CCDC50: variants seen among roughly 807,000 people sequenced by gnomAD.
The protein encoded by CCDC50 is coiled-coil domain containing 50.
CCDC50 carries 54 observed loss-of-function variants against 70.2 expected under a neutral mutation model. The observed-to-expected ratio is 0.77, with a 90% confidence interval of 0.62 to 0.96. The LOEUF is 0.96. Among genes scored for constraint, CCDC50 ranks in the 50% least tolerant of loss-of-function variants. CCDC50 has a pLI of 0.00. For synonymous variants in CCDC50, 216 were observed against 198.8 expected, an observed-to-expected ratio of 1.09 and a Z score of -0.73; for missense variants, 558 against 578.7, an observed-to-expected ratio of 0.96 and a Z score of 0.37.
At chr3:191,387,348 T>G (rs1032721571) in intron 10 of CCDC50, among the ~76,000 whole-genome samples, 4 of 152,138 alleles carry the variant, frequency 2.6e-5, no homozygotes, top group Admixed American at 1.3e-4. Flanking sequence ...GTAAATGATT[T>G]CATGAGAACG....
chr3:191,374,894 G>A (rs1438405709), intron 5 of CCDC50, among the ~76,000 whole-genome samples, 168 bp from the exon 6 acceptor site: 1 of 152,134 alleles, frequency 6.6e-6, no homozygotes, highest in Non-Finnish European at 1.5e-5. Flanking sequence ...TGCATGAACT[G>A]TTTCAGTAAT....
At chr3:191,349,975 CT>C (rs1488803513) in intron 1 of CCDC50, among the ~76,000 whole-genome samples, 17 of 123,152 alleles carry the variant, frequency 1.4e-4, no homozygotes, top group African/African-American at 4.8e-4. Context: ...TACCCCCCCC[CT>C]CCCTTTTTTT....
intron 1 of CCDC50, among the ~76,000 whole-genome samples, chr3:191,345,685 A>G (rs2108639603): frequency 6.6e-6 from 1 of 152,324 alleles, no homozygotes; most frequent in East Asian, 1.9e-4. Context: ...CTACTTGCCA[A>G]ACAAGTGGTT....
chr3:191,352,314 A>G (rs1193443919), intron 1 of CCDC50, among the ~76,000 whole-genome samples: 1 of 142,012 alleles, frequency 7.0e-6, no homozygotes, highest in Non-Finnish European at 1.6e-5. Context: ...GGGGAGATCA[A>G]CAACTCAATG....
rs775667446 is a variant in CCDC50, at chr3:191,395,101, A to T, written c.*3341A>T. 2 of 152,164 alleles carry T rather than the reference A, an allele frequency of 1.3e-5. No homozygotes were observed. Among genetic ancestry groups the T allele is most frequent in the Non-Finnish European group, 2.9e-5 (2 of 68,002 alleles). The allele number at this position is 152,164 out of a possible 1,614,324, so 9.4% of individuals were successfully genotyped here. On this transcript the variant is annotated 3_prime_UTR_variant, in exon 12 of 12. Transcript: ENST00000392455. ...TTTTAGAATGGCAATGACCACTTGG[A>T]TCTAGGTCAACATATTCCAAAATGT...
intron 1 of CCDC50, among the ~76,000 whole-genome samples, chr3:191,340,675 A>G (rs1028493375): frequency 2.0e-5 from 3 of 152,214 alleles, no homozygotes; most frequent in African/African-American, 7.2e-5. Context: ...GGAGCTTATT[A>G]AACATTTTAG....
chr3:191,394,558 T>C lies in CCDC50; in HGVS notation c.*2798T>C, dbSNP rs1713800332. On this transcript the variant is annotated 3_prime_UTR_variant, in exon 12 of 12. Coordinates refer to ENST00000392455, the MANE Select transcript of CCDC50 (RefSeq NM_178335.3). The stretch of plus-strand genomic sequence containing the variant: ...AGTGTATTATGCTTTAATGTTGTGA[T>C]GTAAACTAATACTTCTGGCCTGGGA... 6.6e-6 allele frequency: 1 copy of C among 152,190 alleles called. No homozygotes were observed. The highest frequency in any genetic ancestry group is 1.5e-5 in the Non-Finnish European group (1 of 68,004). The allele number at this position is 152,190 out of a possible 1,614,324, so 9.4% of individuals were successfully genotyped here. A position where few individuals can be genotyped will look rare whatever the true frequency, so the allele number is the denominator to read the frequency against.
At chr3:191,364,307 T>G in intron 4 of CCDC50, among the ~76,000 whole-genome samples, 1 of 151,842 alleles carries the variant, frequency 6.6e-6, no homozygotes, top group Non-Finnish European at 1.5e-5. Context: ...GACCTTGTGA[T>G]CCGCCCACCT....
chr3:191,364,382 TC>T (rs1406506070), intron 4 of CCDC50, among the ~76,000 whole-genome samples: 11 of 149,354 alleles, frequency 7.4e-5, no homozygotes, highest in Admixed American at 2.7e-4. Flanking sequence ...TTTTTTTTTT[TC>T]CCCTTCCCTC....
chr3:191,379,602 G>T (rs293809), intron 6 of CCDC50, among the ~76,000 whole-genome samples: 1 of 151,616 alleles, frequency 6.6e-6, no homozygotes, highest in African/African-American at 2.4e-5. Flanking sequence ...GTTCTAAAGC[G>T]AGTGGGTTTA....
rs1425669096 is a variant in CCDC50 at position 191,396,681 on chromosome 3, A to G, written c.*4921A>G. ...AAAAAAGGAGAAAACCGAACAAAAC[A>G]GAGACATTTACTTGAAATGGGAGGT... On this transcript the variant is annotated 3_prime_UTR_variant, in exon 12 of 12. Coordinates refer to ENST00000392455, the MANE Select transcript of CCDC50 (RefSeq NM_178335.3). The G allele has an allele frequency of 6.6e-6, 1 of 152,242 alleles. No individual in the cohort carries two copies. The highest frequency in any genetic ancestry group is 2.4e-5 in the African/African-American group (1 of 41,464). 9.4% of individuals were successfully genotyped at this position (152,242 alleles called of 1,614,324 possible). A position where few individuals can be genotyped will look rare whatever the true frequency, so the allele number is the denominator to read the frequency against.
chr3:191,331,855 A>G (rs1240700903), intron 1 of CCDC50, among the ~76,000 whole-genome samples: 2 of 152,240 alleles, frequency 1.3e-5, no homozygotes, highest in African/African-American at 2.4e-5. Context: ...ATGTGCAAAC[A>G]TTGAGACTGT....
In CCDC50 at chr3:191,370,153, A is replaced by G. The variant is rs570223060; in HGVS notation, c.448+117A>G. 54 of 752,806 alleles carry G rather than the reference A, an allele frequency of 7.2e-5. No individual in the cohort carries two copies. The East Asian group carries it at 1.3e-3, about 17-fold the overall frequency. 46.6% of individuals were successfully genotyped at this position (752,806 alleles called of 1,614,324 possible). ...GGGACTGTTTCTCTTATCCCCAGGC[A>G]CTGGGTACATTTAGATGTGTGGCAG... On this transcript the variant is annotated intron_variant, in intron 5 of 11. Coordinates refer to ENST00000392455, the MANE Select transcript of CCDC50 (RefSeq NM_178335.3).
In CCDC50 at chr3:191,361,065, T is replaced by A. The variant is rs1298632395; in HGVS notation, c.240-4T>A. The A allele has an allele frequency of 3.7e-6, 6 of 1,610,960 alleles. No homozygotes were observed. The highest frequency in any genetic ancestry group is 3.3e-4 in the Middle Eastern group (2 of 6,052). ...TTATTCATGTTTTCACCTTTGCTTT[T>A]TAGTGAACAACAAGACTGTGAAATT... is the stretch of plus-strand genomic sequence containing the variant. On this transcript the variant is annotated splice_polypyrimidine_tract_variant and splice_region_variant and intron_variant, in intron 3 of 11. Transcript: ENST00000392455.
At chr3:191,378,605 C>A (rs866474032) in intron 6 of CCDC50, among the ~76,000 whole-genome samples, 1 of 152,056 alleles carries the variant, frequency 6.6e-6, no homozygotes, top group African/African-American at 2.4e-5. Context: ...CTGACATTGC[C>A]CAGTACTGAG....
Position 191,347,178 on chromosome 3 carries a change from GTCTT to G in CCDC50, c.50-9906_50-9903del, listed in dbSNP as rs1050446284. On this transcript the variant is annotated intron_variant, in intron 1 of 11. Coordinates refer to ENST00000392455, the MANE Select transcript of CCDC50 (RefSeq NM_178335.3). ...TTGCAGGATAATTAACCCGGAAAATGTCTTTCTGTTACTAGAATTTCTGAAGGTT... is the reference window on the plus strand; with the variant it reads ...TTGCAGGATAATTAACCCGGAAAATGTCTGTTACTAGAATTTCTGAAGGTT... Among the ~76,000 whole-genome samples, 13 of 142,412 alleles carry G rather than the reference GTCTT, an allele frequency of 9.1e-5. 1 individual carries two copies. The highest frequency in any genetic ancestry group is 2.8e-4 in the African/African-American group (11 of 39,928). 93.4% of individuals were successfully genotyped at this position (142,412 alleles called of 152,430 possible). A position where few individuals can be genotyped will look rare whatever the true frequency, so the allele number is the denominator to read the frequency against.
At chr3:191,380,113 C>A in intron 6 of CCDC50, 46 bp from the exon 7 acceptor site, 1 of 1,212,386 alleles carries the variant, frequency 8.2e-7, no homozygotes, top group Non-Finnish European at 1.2e-6. Context: ...TTTCAGAAAA[C>A]ATCCTCGGTT....
At chr3:191,348,200 A>G (rs527971890) in intron 1 of CCDC50, among the ~76,000 whole-genome samples, 5 of 141,716 alleles carry the variant, frequency 3.5e-5, no homozygotes, top group Admixed American at 1.4e-4. Context: ...TGAATTTTCT[A>G]GATGGTAGAG....
At chr3:191,334,092 A>G (rs1157305129) in intron 1 of CCDC50, among the ~76,000 whole-genome samples, 1 of 152,188 alleles carries the variant, frequency 6.6e-6, no homozygotes, top group Non-Finnish European at 1.5e-5. Context: ...ACAAAGCAAT[A>G]TCACTCAATT....
Sources: allele counts gnomAD v4.1 joint callset (sites outside exome capture counted in the v4.1 genomes callset), GRCh38; gene constraint gnomAD v4.1.1; transcripts MANE v1.5; gene names NCBI Gene and HGNC (gene_info 2026-07-23, HGNC 2026-07-21).